The following PITPNM2 variants were observed in gnomAD, a reference collection of about 807,000 sequenced individuals.
PITPNM2 encodes phosphatidylinositol transfer protein membrane associated 2.
PITPNM2 carries 35 observed loss-of-function variants against 132.2 expected under a neutral mutation model. The observed-to-expected ratio is 0.26, with a 90% CI of 0.20 to 0.35. The LOEUF (loss-of-function observed/expected upper bound fraction) is 0.35, where lower values mean the gene tolerates loss of function less well. Among genes scored for constraint, PITPNM2 ranks in the 10% least tolerant of loss-of-function variants. PITPNM2 has a pLI of 1.00. For missense variants in PITPNM2, 1,332 were observed against 1,912.0 expected (o/e 0.70, Z 5.66); for synonymous variants, 738 against 799.2 (o/e 0.92, Z 1.29).
At chr12:123,102,521 C>T (rs1011168992) in intron 2 of PITPNM2, among the ~76,000 whole-genome samples, 8 of 152,174 alleles carry the variant, frequency 5.3e-5, no homozygotes, top group African/African-American at 1.9e-4. Flanking sequence ...TCCCCTTTGG[C>T]CTATAGATTC....
Position 122,988,809 on chromosome 12 carries a change from G to A in PITPNM2, c.2795C>T (p.Thr932Met), listed in dbSNP as rs144570284. 4.8e-5 allele frequency: 76 copies of A among 1,585,690 alleles called. 1 individual carries two copies. The South Asian group carries it at 5.4e-4, about 11-fold the overall frequency. Residue 932 changes from threonine (T) to methionine (M), a missense_variant, in exon 19 of 26, where the codon ACG (threonine) becomes ATG (methionine). Thr to Met is a moderately conservative substitution (Grantham distance 81). Coordinates refer to ENST00000320201, the MANE Select transcript of PITPNM2 (RefSeq NM_020845.3). ...DYALYCPDALTAFPTVALPHL... is the reference protein window; with the variant it reads ...DYALYCPDALMAFPTVALPHL... ...AGGCAGAGCCACCGTGGGGAAGGCC[G>A]TGAGGGCGTCAGGGCAGTACAGGGC... is the stretch of plus-strand genomic sequence containing the variant.
At position 122,989,767 on chromosome 12, in the gene PITPNM2, G is replaced by A; in HGVS notation, c.2731+20C>T. On this transcript the variant is annotated intron_variant, in intron 18 of 25. Coordinates refer to ENST00000320201, the MANE Select transcript of PITPNM2 (RefSeq NM_020845.3). ...GCAGCAGAGTGACCCCCAGTGAGGG[G>A]AAAGTGTGTGGGGTGGTACCTTCTC... 7.3e-7 allele frequency: 1 copy of A among 1,370,550 alleles called. No individual in the cohort carries two copies. 84.9% of individuals were successfully genotyped at this position (1,370,550 alleles called of 1,614,324 possible).
In PITPNM2 at chr12:123,000,210, C is replaced by T. The variant is rs1313404833; in HGVS notation, c.1224+568G>A. The T allele has an allele frequency of 1.7e-6, 1 of 596,418 alleles. No homozygotes were observed. The highest frequency in any genetic ancestry group is 3.0e-6 in the Non-Finnish European group (1 of 335,384). 36.9% of individuals were successfully genotyped at this position (596,418 alleles called of 1,614,324 possible). ...GTGGGACAGCCCAGCTCAGCCCTGG[C>T]TCCTGTCCCAGTGCAAACAGCTCTG... On this transcript the variant is annotated intron_variant, in intron 10 of 25. Coordinates refer to ENST00000320201, the MANE Select transcript of PITPNM2 (RefSeq NM_020845.3). This position sits in a 1 kb window ranked among gnomAD's most constrained non-coding sequence, Gnocchi z 5.4.
chr12:123,094,303 G>A (rs944789690), intron 2 of PITPNM2, among the ~76,000 whole-genome samples: 4 of 152,360 alleles, frequency 2.6e-5, no homozygotes, highest in African/African-American at 4.8e-5. Context: ...GGGGATCCCA[G>A]AACACCAGGA....
In PITPNM2 at chr12:123,000,090, CT is replaced by C. The variant is rs2038592541; in HGVS notation, c.1224+687del. Reference sequence around the variant, plus strand: ...TGTGGATGTCCCTCCTCCTCCCCGCCTAGATTCCCCGGGGGCCCGAGTTCCC... The same window carrying C: ...TGTGGATGTCCCTCCTCCTCCCCGCCAGATTCCCCGGGGGCCCGAGTTCCC... On this transcript the variant is annotated intron_variant, in intron 10 of 25. Transcript: ENST00000320201. This position sits in a 1 kb window ranked among gnomAD's most constrained non-coding sequence, Gnocchi z 5.4. Among the ~76,000 whole-genome samples, 1 of 151,384 alleles carries C rather than the reference CT, an allele frequency of 6.6e-6. No homozygotes were observed. Among genetic ancestry groups the C allele is most frequent in the African/African-American group, 2.4e-5 (1 of 41,156 alleles).
rs1030639087 is a variant in PITPNM2, at chr12:123,005,874, G to C, written c.644-326C>G. 3.6e-5 allele frequency: 11 copies of C among 306,358 alleles called. No individual in the cohort carries two copies. Among genetic ancestry groups the C allele is most frequent in the Non-Finnish European group, 6.6e-5 (11 of 166,440 alleles). 19.0% of individuals were successfully genotyped at this position (306,358 alleles called of 1,614,324 possible). On this transcript the variant is annotated intron_variant, in intron 6 of 25. Coordinates refer to ENST00000320201, the MANE Select transcript of PITPNM2 (RefSeq NM_020845.3). This position sits in a 1 kb window ranked among gnomAD's most constrained non-coding sequence, Gnocchi z 6.2. ...ACACTTTGGGAGGATTAGGTGGGAGGACAGCTTGAGTCCAAGGGTTTGAGA... is the reference window on the plus strand; with the variant it reads ...ACACTTTGGGAGGATTAGGTGGGAGCACAGCTTGAGTCCAAGGGTTTGAGA...
chr12:122,986,463 G>A lies in PITPNM2; in HGVS notation c.3699C>T (p.Pro1233=). 1 of 1,577,908 alleles carries A rather than the reference G, an allele frequency of 6.3e-7. No individual in the cohort carries two copies. ...SPMQIYIVGR[P]TKKLQQQCQF... ...GGCACTGCTGCTGCAGCTTCTTGGT[G>A]GGCCGGCCCACGATGTAGATCTGCA... The change falls in exon 25 of 26, where the codon CCC becomes CCT. Residue 1233 remains proline, a synonymous_variant. Transcript: ENST00000320201.
intron 2 of PITPNM2, among the ~76,000 whole-genome samples, chr12:123,068,834 A>G (rs572283742): frequency 6.6e-6 from 1 of 152,314 alleles, no homozygotes; most frequent in South Asian, 2.1e-4. Flanking sequence ...TGCCCACTTC[A>G]AGGGACATGG....
intron 4 of PITPNM2, among the ~76,000 whole-genome samples, chr12:123,013,281 T>C (rs911845684): frequency 1.3e-5 from 2 of 152,194 alleles, no homozygotes; most frequent in Non-Finnish European, 2.9e-5. Flanking sequence ...AGTAGACAGC[T>C]TGTGGGACCA....
In PITPNM2 at chr12:122,992,338, C is replaced by G. The variant is rs545531315; in HGVS notation, c.2404+161G>C. Among the ~76,000 whole-genome samples, 22 of 137,106 alleles carry G rather than the reference C, an allele frequency of 1.6e-4. 2 individuals carry two copies. In the South Asian group the frequency reaches 5.0e-3, roughly 31 times the overall value. 89.9% of individuals were successfully genotyped at this position (137,106 alleles called of 152,430 possible). A position where few individuals can be genotyped will look rare whatever the true frequency, so the allele number is the denominator to read the frequency against. ...GATCAGTGCGGAGGGATGCACCACCCCCACCCCCCACCCCCAACAGCTGTC... is the reference window on the plus strand; with the variant it reads ...GATCAGTGCGGAGGGATGCACCACCGCCACCCCCCACCCCCAACAGCTGTC... On this transcript the variant is annotated intron_variant, in intron 16 of 25. Coordinates refer to ENST00000320201, the MANE Select transcript of PITPNM2 (RefSeq NM_020845.3). The surrounding 1 kb of genome is among the most constrained non-coding windows in gnomAD (Gnocchi z 6.5).
At chr12:122,988,625 T>C (rs2038043181) in intron 19 of PITPNM2, 99 bp downstream of exon 19, 2 of 1,265,886 alleles carry the variant, frequency 1.6e-6, no homozygotes, top group African/African-American at 1.5e-5. Context: ...TCTGATGGGG[T>C]TGGAGAGGAG....
At position 123,036,845 on chromosome 12, in the gene PITPNM2, AG is replaced by A. The variant is rs142870385; in HGVS notation, c.-95-2161del. On this transcript the variant is annotated intron_variant, in intron 2 of 25. Coordinates refer to ENST00000320201, the MANE Select transcript of PITPNM2 (RefSeq NM_020845.3). This position sits in a 1 kb window ranked among gnomAD's most constrained non-coding sequence, Gnocchi z 4.1. ...TATATCCATAAGGACTCTTGCTAGG[AG>A]GGGCTTCCCCTCTCCTGCGACCTGT... is the stretch of plus-strand genomic sequence containing the variant. Among the ~76,000 whole-genome samples the A allele has an allele frequency of 3.7e-3, 567 of 152,274 alleles. 4 individuals are homozygous for A. The highest frequency in any genetic ancestry group is 0.013 in the African/African-American group (527 of 41,542).
In PITPNM2 at chr12:122,993,299, C is replaced by A. The variant is rs1340892722; in HGVS notation, c.2234-630G>T. ...CGAGTGCTGGCTAGGGCAGCCCTGC[C>A]CTGCCTGTATCGGAAAATGTTTCCC... On this transcript the variant is annotated intron_variant, in intron 15 of 25. Coordinates refer to ENST00000320201, the MANE Select transcript of PITPNM2 (RefSeq NM_020845.3). This position sits in a 1 kb window ranked among gnomAD's most constrained non-coding sequence, Gnocchi z 5.2. Among the ~76,000 whole-genome samples the A allele has an allele frequency of 1.3e-5, 2 of 152,118 alleles. No individual in the cohort carries two copies. Among genetic ancestry groups the A allele is most frequent in the Non-Finnish European group, 2.9e-5 (2 of 68,028 alleles).
chr12:123,012,471 C>A, intron 5 of PITPNM2, 142 bp downstream of exon 5: 2 of 1,125,840 alleles, frequency 1.8e-6, no homozygotes, highest in South Asian at 3.1e-5. Context: ...GGGCCCCATG[C>A]TTGCTCCAAC....
chr12:123,040,767 GAT>G (rs1169068614), intron 2 of PITPNM2, among the ~76,000 whole-genome samples: 1 of 151,868 alleles, frequency 6.6e-6, no homozygotes, highest in Non-Finnish European at 1.5e-5. Context: ...TTTAAAAAAA[GAT>G]CACGTAGAAC....
chr12:123,005,226 G>T lies in PITPNM2; in HGVS notation c.952+14C>A, dbSNP rs1182135297. On this transcript the variant is annotated intron_variant, in intron 7 of 25. Transcript: ENST00000320201. The surrounding 1 kb of genome is among the most constrained non-coding windows in gnomAD (Gnocchi z 6.2). ...GGACCTTGAGTGTGGGTGGCAGGTG[G>T]CGCAGGGCCTTACCTCCCCGCTTGG... is the stretch of plus-strand genomic sequence containing the variant. 1 of 1,604,624 alleles carries T rather than the reference G, an allele frequency of 6.2e-7. No individual in the cohort carries two copies. The highest frequency in any genetic ancestry group is 1.3e-5 in the African/African-American group (1 of 74,674).
chr12:122,991,510 C>T (rs796224350), intron 16 of PITPNM2, among the ~76,000 whole-genome samples: 25 of 152,322 alleles, frequency 1.6e-4, no homozygotes, highest in African/African-American at 6.0e-4. Flanking sequence ...GGCCCTGAGA[C>T]GGCCTCTGCT....
rs991955581 is a variant in PITPNM2, at chr12:122,983,569, GGATGGGGA to G, written c.*2450_*2457del. On this transcript the variant is annotated 3_prime_UTR_variant, in exon 26 of 26. Transcript: ENST00000320201. ...CCAATGATGCGGGGACAGCAGGGACGGATGGGGAGATGGGGACACTGCTCACACATGGC... is the reference window on the plus strand; with the variant it reads ...CCAATGATGCGGGGACAGCAGGGACGGATGGGGACACTGCTCACACATGGC... 6.5e-6 allele frequency: 1 copy of G among 152,808 alleles called. No homozygotes were observed. The highest frequency in any genetic ancestry group is 1.5e-5 in the Non-Finnish European group (1 of 68,228). The allele number at this position is 152,808 out of a possible 1,614,324, so 9.5% of individuals were successfully genotyped here.
At chr12:123,131,866 A>G (rs1188805935) in intron 1 of PITPNM2, among the ~76,000 whole-genome samples, 1 of 152,252 alleles carries the variant, frequency 6.6e-6, no homozygotes, top group African/African-American at 2.4e-5. Flanking sequence ...GAACTGTGCT[A>G]GGCCCTTTCA....
Sources: gnomAD v4.1 joint callset for allele counts (sites outside exome capture counted in the v4.1 genomes callset) on GRCh38, gnomAD v4.1.1 for gene constraint, Gnocchi (gnomAD v3.1) non-coding constraint, MANE v1.5 for transcripts, NCBI Gene and HGNC (gene_info 2026-07-23, HGNC 2026-07-21) for gene names.